Variants in ANKS1B observed in about 807,000 individuals in gnomAD.
The protein encoded by ANKS1B is ankyrin repeat and sterile alpha motif domain-containing protein 1B.
Under a neutral mutation model 148.3 loss-of-function variants are expected in ANKS1B, and 36 were observed. The ratio of observed to expected loss-of-function variants is 0.24; its 90% CI spans 0.19 to 0.32. The LOEUF is 0.32. Among genes scored for constraint, ANKS1B ranks in the 10% least tolerant of loss-of-function variants. The pLI is 1.00. For missense variants in ANKS1B, 1,157 were observed against 1,542.6 expected, an observed-to-expected ratio of 0.75 and a Z score of 4.19; for synonymous variants, 542 against 560.8, an observed-to-expected ratio of 0.97 and a Z score of 0.47.
chr12:99,750,579 T>C (rs1289597913), intron 8 of ANKS1B, among the ~76,000 whole-genome samples: 1 of 152,102 alleles, frequency 6.6e-6, no homozygotes, highest in African/African-American at 2.4e-5. Context: ...CTAAACCATA[T>C]TTCCTAGTCT....
At chr12:99,558,900 G>A (rs1299151702) in intron 9 of ANKS1B, among the ~76,000 whole-genome samples, 1 of 152,120 alleles carries the variant, frequency 6.6e-6, no homozygotes, top group Non-Finnish European at 1.5e-5. Flanking sequence ...AACCTATCTA[G>A]GCAGCTCTCC....
chr12:99,666,788 A>G (rs1417347885), intron 8 of ANKS1B, among the ~76,000 whole-genome samples: 1 of 152,032 alleles, frequency 6.6e-6, no homozygotes, highest in Non-Finnish European at 1.5e-5. Context: ...TTATTTTGCT[A>G]TATGTATAAT....
chr12:98,862,553 T>G (rs1003405629), intron 17 of ANKS1B, among the ~76,000 whole-genome samples: 3 of 152,190 alleles, frequency 2.0e-5, no homozygotes, highest in East Asian at 1.9e-4. Flanking sequence ...CAACACACCA[T>G]GAGAATATGA....
At chr12:99,333,294 T>C (rs779234307) in intron 12 of ANKS1B, among the ~76,000 whole-genome samples, 1 of 152,052 alleles carries the variant, frequency 6.6e-6, no homozygotes, top group Non-Finnish European at 1.5e-5. Context: ...TAGAAAGTTA[T>C]TGCAATAATT....
In ANKS1B at chr12:99,487,434, G is replaced by C. The variant is rs1291540542; in HGVS notation, c.1438+17042C>G. Among the ~76,000 whole-genome samples the C allele has an allele frequency of 9.2e-5, 14 of 152,176 alleles. No homozygotes were observed. In the South Asian group the frequency reaches 2.5e-3, roughly 27 times the overall value. On this transcript the variant is annotated intron_variant, in intron 10 of 26. Transcript: ENST00000683438. ...TGCTTTTCTATGTTTGTATATTAAA[G>C]GATATATACTGAGCTTTGAGCATTG...
chr12:99,098,690 C>T (rs1344399027), intron 15 of ANKS1B, among the ~76,000 whole-genome samples: 7 of 50,804 alleles, frequency 1.4e-4, no homozygotes, highest in South Asian at 6.8e-4. Context: ...CTTCTAGTTT[C>T]ATGTTGTTTT....
chr12:99,709,523 A>G (rs973746363), intron 8 of ANKS1B, among the ~76,000 whole-genome samples: 1 of 152,164 alleles, frequency 6.6e-6, no homozygotes, highest in East Asian at 1.9e-4. Flanking sequence ...TGCTGCAGGT[A>G]TTAAAAGAAG....
chr12:98,946,938 T>TAAA (rs1567946212), intron 17 of ANKS1B, among the ~76,000 whole-genome samples: 5 of 32,066 alleles, frequency 1.6e-4, no homozygotes, highest in African/African-American at 5.5e-4. Flanking sequence ...AGATCTTTTC[T>TAAA]CAAAAAAAAA....
At chr12:99,664,102 C>T (rs191616338) in intron 8 of ANKS1B, among the ~76,000 whole-genome samples, 213 of 151,222 alleles carry the variant, frequency 1.4e-3, no homozygotes, top group Middle Eastern at 3.4e-3. Flanking sequence ...ATGCACAATA[C>T]GCAGAAGCTA....
At chr12:99,112,424 T>A (rs908257161) in intron 15 of ANKS1B, among the ~76,000 whole-genome samples, 1 of 151,896 alleles carries the variant, frequency 6.6e-6, no homozygotes, top group Non-Finnish European at 1.5e-5. Context: ...GCTTTTCTGA[T>A]ACTAGATGCA....
intron 17 of ANKS1B, among the ~76,000 whole-genome samples, chr12:98,867,317 C>G (rs169300): frequency 2.6e-5 from 4 of 152,000 alleles, no homozygotes; most frequent in Non-Finnish European, 5.9e-5. Context: ...CCAGACAGTG[C>G]GAGGCCATCT....
chr12:99,562,937 G>C (rs2097352240), intron 9 of ANKS1B, among the ~76,000 whole-genome samples: 1 of 152,136 alleles, frequency 6.6e-6, no homozygotes, highest in Non-Finnish European at 1.5e-5. Context: ...ATCAATACTT[G>C]CTGCTTCTCC....
chr12:98,789,876 C>T (rs1479118965), intron 22 of ANKS1B, among the ~76,000 whole-genome samples: 2 of 152,020 alleles, frequency 1.3e-5, no homozygotes, highest in Admixed American at 1.3e-4. Flanking sequence ...CACGGTAAAA[C>T]AGTGGATATG....
At chr12:98,795,397 T>C (rs1411532404) in intron 22 of ANKS1B, among the ~76,000 whole-genome samples, 2 of 152,336 alleles carry the variant, frequency 1.3e-5, no homozygotes, top group Non-Finnish European at 2.9e-5. Flanking sequence ...TAGGTAGTTG[T>C]GGATGTCGAG....
intron 14 of ANKS1B, among the ~76,000 whole-genome samples, chr12:99,191,804 G>A (rs2153883255): frequency 6.6e-6 from 1 of 152,236 alleles, no homozygotes; most frequent in South Asian, 2.1e-4. Flanking sequence ...TAACAAACCT[G>A]CATGTTCTCC....
At position 99,336,990 on chromosome 12, in the gene ANKS1B, T is replaced by C. The variant is rs114207518; in HGVS notation, c.1756+62641A>G. 6.8e-3 allele frequency among the ~76,000 whole-genome samples: 1,034 copies of C among 152,288 alleles called. 9 individuals carry two copies. The highest frequency in any genetic ancestry group is 0.023 in the African/African-American group (970 of 41,574). The stretch of plus-strand genomic sequence containing the variant: ...ATTAAGTGTCTTGAGGTAGACTTAT[T>C]TGAATTGAATCTGCTTGGTATTCTA... On this transcript the variant is annotated intron_variant, in intron 12 of 26. Coordinates refer to ENST00000683438, the MANE Select transcript of ANKS1B (RefSeq NM_001352186.2).
At chr12:99,679,909 G>C (rs1240869873) in intron 8 of ANKS1B, among the ~76,000 whole-genome samples, 2 of 152,122 alleles carry the variant, frequency 1.3e-5, no homozygotes, top group Non-Finnish European at 2.9e-5. Context: ...TTTGCTCCAA[G>C]AACTGCCATA....
At chr12:99,543,696 T>C (rs1430801095) in intron 9 of ANKS1B, among the ~76,000 whole-genome samples, 1 of 152,108 alleles carries the variant, frequency 6.6e-6, no homozygotes, top group Non-Finnish European at 1.5e-5. Context: ...CTGTGATACA[T>C]TCTACAACAT....
intron 1 of ANKS1B, among the ~76,000 whole-genome samples, chr12:99,842,994 A>G (rs912705462): frequency 6.6e-6 from 1 of 151,804 alleles, no homozygotes; most frequent in African/African-American, 2.4e-5. Flanking sequence ...TTATTACCAA[A>G]TTTTCTTTGT....
Sources: gnomAD v4.1 joint callset for allele counts (sites outside exome capture counted in the v4.1 genomes callset) on GRCh38, gnomAD v4.1.1 for gene constraint, MANE v1.5 for transcripts, NCBI Gene and HGNC (gene_info 2026-07-23, HGNC 2026-07-21) for gene names.